GRIK2: variants seen among roughly 807,000 people sequenced by gnomAD.
GRIK2 encodes the protein glutamate ionotropic receptor kainate type subunit 2, also known as glutamate receptor ionotropic, kainate 2.
GRIK2 carries 32 observed loss-of-function variants against 100.3 expected under a neutral mutation model. That is an observed-to-expected ratio of 0.32 (90% CI 0.24 to 0.43). GRIK2 has a LOEUF of 0.43. Among genes scored for constraint, GRIK2 ranks in the 20% least tolerant of loss-of-function variants. The probability of loss-of-function intolerance (pLI) is 1.00; values close to 1 mark genes in which losing one functional copy is unlikely to be tolerated. For synonymous variants in GRIK2, 417 were observed against 389.4 expected (o/e 1.07, Z -0.83); for missense variants, 843 against 1,114.9 (o/e 0.76, Z 3.47).
rs535903630 is a variant in GRIK2, at chr6:101,549,975, C to T, written c.116-71974C>T. The stretch of plus-strand genomic sequence containing the variant: ...CAAGCCTCTGTCTCCAGGACCCATG[C>T]TCTTAACCATCACACCACCTCCTTT... On this transcript the variant is annotated intron_variant, in intron 2 of 16. Coordinates refer to ENST00000369134, the MANE Select transcript of GRIK2 (RefSeq NM_021956.5). 5.9e-5 allele frequency among the ~76,000 whole-genome samples: 9 copies of T among 152,326 alleles called. No individual in the cohort carries two copies. In the South Asian group the frequency reaches 1.7e-3, roughly 28 times the overall value.
intron 2 of GRIK2, among the ~76,000 whole-genome samples, chr6:101,517,782 G>A (rs1315296196): frequency 6.6e-6 from 1 of 152,128 alleles, no homozygotes; most frequent in Non-Finnish European, 1.5e-5. Context: ...AACAACAGTT[G>A]TGATTTGACT....
intron 7 of GRIK2, among the ~76,000 whole-genome samples, chr6:101,699,512 C>G (rs2128351446): frequency 6.6e-6 from 1 of 152,214 alleles, no homozygotes; most frequent in Middle Eastern, 3.4e-3. Context: ...TACTTACTTT[C>G]AGCTGAGAAT....
intron 4 of GRIK2, among the ~76,000 whole-genome samples, chr6:101,645,704 A>G (rs1443208441): frequency 6.6e-6 from 1 of 151,864 alleles, no homozygotes; most frequent in Non-Finnish European, 1.5e-5. Context: ...TCTTTTATAG[A>G]TCTGATTTTA....
At chr6:101,765,095 G>A (rs7772568) in intron 7 of GRIK2, among the ~76,000 whole-genome samples, 19 of 151,966 alleles carry the variant, frequency 1.3e-4, no homozygotes, top group African/African-American at 4.1e-4. Flanking sequence ...CTAACTCTTA[G>A]ACTTCTTTAG....
chr6:101,724,419 C>T (rs11969277), intron 7 of GRIK2, among the ~76,000 whole-genome samples: 6,155 of 151,866 alleles, frequency 0.041, 184 homozygotes, highest in East Asian at 0.15. Flanking sequence ...ATGCTTAACT[C>T]CCACTTATAA....
intron 4 of GRIK2, among the ~76,000 whole-genome samples, chr6:101,674,052 C>T (rs984957180): frequency 6.6e-6 from 1 of 152,250 alleles, no homozygotes; most frequent in Non-Finnish European, 1.5e-5. Context: ...GGTTTTCTGA[C>T]TCACCTTTAT....
chr6:101,881,389 A>T (rs1346075177), intron 11 of GRIK2, among the ~76,000 whole-genome samples: 1 of 151,934 alleles, frequency 6.6e-6, no homozygotes, highest in African/African-American at 2.4e-5. Flanking sequence ...TAGCTAAATC[A>T]GAAACAGAAA....
intron 7 of GRIK2, among the ~76,000 whole-genome samples, chr6:101,760,499 T>A (rs1273709179): frequency 5.4e-5 from 3 of 55,636 alleles, no homozygotes; most frequent in African/African-American, 7.9e-5. Context: ...ATTAATTATA[T>A]TTAATTATAT....
At chr6:101,464,649 T>A (rs550732160) in intron 2 of GRIK2, among the ~76,000 whole-genome samples, 68 of 151,716 alleles carry the variant, frequency 4.5e-4, no homozygotes, top group Middle Eastern at 3.4e-3. Context: ...CCCGAATAGC[T>A]GGGACTACAG....
intron 14 of GRIK2, among the ~76,000 whole-genome samples, chr6:102,032,696 G>GT (rs1770062240): frequency 1.3e-5 from 2 of 151,242 alleles, no homozygotes; most frequent in Admixed American, 6.6e-5. Flanking sequence ...TGCATTTTGA[G>GT]TTTTTGTTTT....
chr6:101,633,399 G>GATTT (rs1281938253), intron 4 of GRIK2, among the ~76,000 whole-genome samples: 5 of 152,054 alleles, frequency 3.3e-5, no homozygotes. Context: ...TTTAGCAAGG[G>GATTT]ATTTGACCAC....
chr6:101,727,294 A>G (rs957345904), intron 7 of GRIK2, among the ~76,000 whole-genome samples: 5 of 152,118 alleles, frequency 3.3e-5, no homozygotes, highest in Non-Finnish European at 5.9e-5. Context: ...GAGAACAAAA[A>G]ATTAGAAGAA....
chr6:101,767,869 T>G (rs1469550387), intron 7 of GRIK2, among the ~76,000 whole-genome samples: 1 of 152,124 alleles, frequency 6.6e-6, no homozygotes, highest in Non-Finnish European at 1.5e-5. Flanking sequence ...TATTTTTATT[T>G]TTTTTTGAAA....
Position 101,805,117 on chromosome 6 carries a change from C to A in GRIK2, c.1203+2679C>A, listed in dbSNP as rs922283754. Among the ~76,000 whole-genome samples the A allele has an allele frequency of 2.0e-5, 3 of 151,904 alleles. No homozygotes were observed. The East Asian group carries it at 5.8e-4, about 30-fold the overall frequency. On this transcript the variant is annotated intron_variant, in intron 9 of 16. Transcript: ENST00000369134. ...TGATGACTGAGTGTTATTGACTTGA[C>A]TTTTTTTCTGCCTAGAAAGTATAGT...
intron 2 of GRIK2, among the ~76,000 whole-genome samples, chr6:101,484,925 C>T (rs1483617892): frequency 2.0e-5 from 3 of 152,194 alleles, no homozygotes; most frequent in African/African-American, 7.2e-5. Flanking sequence ...CTTTTATTGG[C>T]GTACCTGACA....
chr6:101,541,168 T>C (rs947250332), intron 2 of GRIK2, among the ~76,000 whole-genome samples: 25 of 151,914 alleles, frequency 1.6e-4, no homozygotes, highest in Admixed American at 6.6e-4. Flanking sequence ...TTGATTTAAA[T>C]TAAGTCATAA....
intron 2 of GRIK2, among the ~76,000 whole-genome samples, chr6:101,403,775 G>T (rs182937553): frequency 2.0e-5 from 3 of 152,280 alleles, no homozygotes; most frequent in Admixed American, 2.0e-4. Context: ...ACTGACTCTT[G>T]GGAGGCGGGG....
intron 2 of GRIK2, among the ~76,000 whole-genome samples, chr6:101,409,191 A>G (rs1459653167): frequency 1.3e-5 from 2 of 150,334 alleles, no homozygotes; most frequent in Non-Finnish European, 3.0e-5. Flanking sequence ...TACTGTATAT[A>G]TTCTGTGTAG....
chr6:101,731,659 A>T (rs1416791314), intron 7 of GRIK2, among the ~76,000 whole-genome samples: 1 of 152,044 alleles, frequency 6.6e-6, no homozygotes, highest in Non-Finnish European at 1.5e-5. Context: ...TTTAACTCAC[A>T]TGGGAACCAG....
Sources: allele counts gnomAD v4.1 joint callset (sites outside exome capture counted in the v4.1 genomes callset), GRCh38; gene constraint gnomAD v4.1.1; transcripts MANE v1.5; gene names NCBI Gene and HGNC (gene_info 2026-07-23, HGNC 2026-07-21).